B3GALT1: variants seen among roughly 807,000 people sequenced by gnomAD.
B3GALT1 encodes the protein beta-1,3-galactosyltransferase 1.
A neutral mutation model predicts 23.2 loss-of-function variants in B3GALT1; 10 were observed. The ratio of observed to expected loss-of-function variants is 0.43; its 90% CI spans 0.27 to 0.73. The LOEUF is 0.73. B3GALT1 is among the 30% of genes least tolerant of loss of function. The probability of loss-of-function intolerance (pLI) is 0.21; values close to 1 mark genes in which losing one functional copy is unlikely to be tolerated. For synonymous variants in B3GALT1, 156 were observed against 141.5 expected, an observed-to-expected ratio of 1.10 and a Z score of -0.73; for missense variants, 299 against 405.4, an observed-to-expected ratio of 0.74 and a Z score of 2.25.
intron 1 of B3GALT1, among the ~76,000 whole-genome samples, chr2:167,316,587 C>G: frequency 6.6e-6 from 1 of 152,190 alleles, no homozygotes; most frequent in East Asian, 1.9e-4. Context: ...AGGTTGGACA[C>G]GTCCAGAGGT....
chr2:167,647,488 A>G (rs1685767837), intron 3 of B3GALT1, among the ~76,000 whole-genome samples: 1 of 152,206 alleles, frequency 6.6e-6, no homozygotes, highest in Non-Finnish European at 1.5e-5. Context: ...TCCATGAAAT[A>G]ATGATGCAAT....
intron 3 of B3GALT1, among the ~76,000 whole-genome samples, chr2:167,771,726 A>C (rs4144083): frequency 0.094 from 14,377 of 152,230 alleles, 1,546 homozygotes; most frequent in African/African-American, 0.23. Flanking sequence ...ACTCAGATAG[A>C]CATAGCCATT....
chr2:167,831,924 A>T (rs1689362659), intron 4 of B3GALT1, among the ~76,000 whole-genome samples: 1 of 152,210 alleles, frequency 6.6e-6, no homozygotes, highest in South Asian at 2.1e-4. Context: ...CTGAGACCTA[A>T]TAGTTCGCCA....
intron 4 of B3GALT1, among the ~76,000 whole-genome samples, chr2:167,851,906 C>A (rs1689909736): frequency 6.6e-6 from 1 of 152,180 alleles, no homozygotes; most frequent in Non-Finnish European, 1.5e-5. Flanking sequence ...TGAAAACTTT[C>A]CAGTTGCTGG....
chr2:167,534,414 A>G (rs1400419405), intron 2 of B3GALT1, among the ~76,000 whole-genome samples: 2 of 152,140 alleles, frequency 1.3e-5, no homozygotes, highest in Admixed American at 6.5e-5. Context: ...CAGGCAAGAC[A>G]TTGAAACTTT....
At chr2:167,654,111 G>A (rs749344140) in intron 3 of B3GALT1, among the ~76,000 whole-genome samples, 123 of 152,094 alleles carry the variant, frequency 8.1e-4, no homozygotes, top group Non-Finnish European at 1.4e-3. Context: ...AGGCTTCAGC[G>A]CTTATTACAC....
chr2:167,787,863 T>A (rs1688369812), intron 3 of B3GALT1, among the ~76,000 whole-genome samples: 1 of 152,192 alleles, frequency 6.6e-6, no homozygotes, highest in Non-Finnish European at 1.5e-5. Context: ...ATCCTGGGGA[T>A]GCAGAATCGA....
At chr2:167,631,784 T>A (rs1685452153) in intron 2 of B3GALT1, among the ~76,000 whole-genome samples, 1 of 150,458 alleles carries the variant, frequency 6.6e-6, no homozygotes, top group South Asian at 2.1e-4. Context: ...TTTTTTTTTT[T>A]TTTTACTTAA....
chr2:167,738,684 A>C (rs1338603452), intron 3 of B3GALT1, among the ~76,000 whole-genome samples: 1 of 152,220 alleles, frequency 6.6e-6, no homozygotes, highest in Non-Finnish European at 1.5e-5. Context: ...TTCAAAACTG[A>C]AAAGAGAGAT....
chr2:167,716,054 G>A (rs1382653373), intron 3 of B3GALT1: 36 of 1,593,734 alleles, frequency 2.3e-5, no homozygotes, highest in Non-Finnish European at 2.9e-5. Flanking sequence ...CGGTAGCGCC[G>A]GGCTCCTCCA....
At chr2:167,692,466 G>C (rs1360276635) in intron 3 of B3GALT1, among the ~76,000 whole-genome samples, 1 of 151,988 alleles carries the variant, frequency 6.6e-6, no homozygotes, top group Admixed American at 6.6e-5. Flanking sequence ...TAGTATATGT[G>C]TAAATATGTA....
intron 1 of B3GALT1, among the ~76,000 whole-genome samples, chr2:167,432,887 G>C (rs1413099760): frequency 6.6e-6 from 1 of 152,184 alleles, no homozygotes; most frequent in Non-Finnish European, 1.5e-5. Flanking sequence ...TCTTGCAGCA[G>C]AGTGGTACAT....
Position 167,873,761 on chromosome 2 carries a change from T to C in B3GALT1, c.*3741T>C, listed in dbSNP as rs1690393199. On this transcript the variant is annotated 3_prime_UTR_variant, in exon 5 of 5. Coordinates refer to ENST00000392690, the MANE Select transcript of B3GALT1 (RefSeq NM_020981.4). ...GTACATACTGTTTCGCCAAAAGTAA[T>C]TGTCTGTAAAAGTGCACTCTCCAGG... 2 of 152,218 alleles carry C rather than the reference T, an allele frequency of 1.3e-5. No homozygotes were observed. The highest frequency in any genetic ancestry group is 2.9e-5 in the Non-Finnish European group (2 of 68,030). The allele number at this position is 152,218 out of a possible 1,614,324, so 9.4% of individuals were successfully genotyped here. A position where few individuals can be genotyped will look rare whatever the true frequency, so the allele number is the denominator to read the frequency against.
At position 167,688,616 on chromosome 2, in the gene B3GALT1, A is replaced by G. The variant is rs572573660; in HGVS notation, c.-352+41650A>G. 2.0e-3 allele frequency among the ~76,000 whole-genome samples: 306 copies of G among 152,152 alleles called. 2 individuals carry two copies. The highest frequency in any genetic ancestry group is 3.4e-3 in the Non-Finnish European group (231 of 67,974). ...TTACTCAGTCTGAACAACAGAGAGAAAATCAACTAAAAAAAATGAACAGAG... is the reference window on the plus strand; with the variant it reads ...TTACTCAGTCTGAACAACAGAGAGAGAATCAACTAAAAAAAATGAACAGAG... On this transcript the variant is annotated intron_variant, in intron 3 of 4. Transcript: ENST00000392690.
Position 167,665,355 on chromosome 2 carries a change from T to A in B3GALT1, c.-352+18389T>A, listed in dbSNP as rs1378927900. 4.8e-5 allele frequency among the ~76,000 whole-genome samples: 6 copies of A among 125,226 alleles called. No homozygotes were observed. In the South Asian group the frequency reaches 9.6e-4, roughly 20 times the overall value. 82.2% of individuals were successfully genotyped at this position (125,226 alleles called of 152,430 possible). ...ATAAGCTTTTTGATGTGCTGCTGGA[T>A]TTCGTTTGCCAGTATTTTATTGAGG... On this transcript the variant is annotated intron_variant, in intron 3 of 4. Transcript: ENST00000392690.
intron 2 of B3GALT1, among the ~76,000 whole-genome samples, chr2:167,631,884 G>T (rs1319697652): frequency 6.6e-6 from 1 of 150,646 alleles, no homozygotes; most frequent in Non-Finnish European, 1.5e-5. Context: ...GTACCATGCT[G>T]GTTTGCTGCA....
At chr2:167,668,635 G>C (rs903533787) in intron 3 of B3GALT1, among the ~76,000 whole-genome samples, 8 of 152,186 alleles carry the variant, frequency 5.3e-5, no homozygotes, top group African/African-American at 1.9e-4. Context: ...AAGCCATGTG[G>C]GGGATATAAT....
intron 4 of B3GALT1, among the ~76,000 whole-genome samples, chr2:167,835,371 G>C (rs1418332999): frequency 2.0e-5 from 3 of 152,232 alleles, no homozygotes; most frequent in Admixed American, 1.3e-4. Flanking sequence ...CGGCGCACCA[G>C]GAGATTATAT....
intron 1 of B3GALT1, among the ~76,000 whole-genome samples, chr2:167,369,443 G>T (rs1302180388): frequency 2.0e-5 from 3 of 152,128 alleles, no homozygotes; most frequent in Admixed American, 6.5e-5. Context: ...TCAGGAAAGG[G>T]TTATAGTATA....
Sources: allele counts gnomAD v4.1 joint callset (sites outside exome capture counted in the v4.1 genomes callset), GRCh38; gene constraint gnomAD v4.1.1; transcripts MANE v1.5; gene names NCBI Gene and HGNC (gene_info 2026-07-23, HGNC 2026-07-21).